Variants in CTDP1 observed in about 807,000 individuals in gnomAD.
The protein encoded by CTDP1 is RNA polymerase II subunit A C-terminal domain phosphatase.
In CTDP1, 47 loss-of-function variants were observed where a neutral mutation model predicts 91.8. That is an observed-to-expected ratio of 0.51 (90% confidence interval 0.41 to 0.65). CTDP1 has a LOEUF of 0.65. CTDP1 is among the 30% of genes least tolerant of loss of function. The pLI, the probability that CTDP1 is intolerant of heterozygous loss-of-function variation, is 0.00. For synonymous variants in CTDP1, 656 were observed against 598.5 expected (o/e 1.10, Z -1.40); for missense variants, 1,272 against 1,373.7 (o/e 0.93, Z 1.17).
intron 12 of CTDP1, among the ~76,000 whole-genome samples, chr18:79,751,913 C>T (rs1276751340): frequency 6.6e-6 from 1 of 152,340 alleles, no homozygotes; most frequent in South Asian, 2.1e-4. Context: ...AGTGACTTTT[C>T]GGGATTGTAA....
chr18:79,739,157 G>A (rs184364730), intron 12 of CTDP1, among the ~76,000 whole-genome samples: 43 of 152,338 alleles, frequency 2.8e-4, no homozygotes, highest in Admixed American at 1.0e-3. Flanking sequence ...GATTTGCAGC[G>A]TGCTCTTTGT....
chr18:79,713,238 A>G lies in CTDP1; in HGVS notation c.1030+100A>G, dbSNP rs1196385891. ...CTGTTTTGACTGCTATAAATTCAAG[A>G]TACACTTTTTTTATTTGTGTTTCAG... On this transcript the variant is annotated intron_variant, in intron 7 of 12. Coordinates refer to ENST00000613122, the MANE Select transcript of CTDP1 (RefSeq NM_004715.5). This position sits in a 1 kb window ranked among gnomAD's most constrained non-coding sequence, Gnocchi z 4.7. 4.1e-6 allele frequency: 5 copies of G among 1,219,104 alleles called. No homozygotes were observed. Among genetic ancestry groups the G allele is most frequent in the Non-Finnish European group, 5.9e-6 (5 of 851,918 alleles). 75.5% of individuals were successfully genotyped at this position (1,219,104 alleles called of 1,614,324 possible). A position where few individuals can be genotyped will look rare whatever the true frequency, so the allele number is the denominator to read the frequency against.
intron 1 of CTDP1, among the ~76,000 whole-genome samples, chr18:79,688,095 G>T (rs1009759566): frequency 6.6e-6 from 1 of 152,202 alleles, no homozygotes; most frequent in Admixed American, 6.5e-5. Context: ...CGCTGCCAGA[G>T]CCCCACCTGT....
At chr18:79,708,686 TA>T (rs1862733307) in intron 5 of CTDP1, among the ~76,000 whole-genome samples, 1 of 152,256 alleles carries the variant, frequency 6.6e-6, no homozygotes, top group Non-Finnish European at 1.5e-5. Context: ...AACTAACGGT[TA>T]TGCAGGGGAC....
chr18:79,747,083 T>C (rs2086897016), intron 12 of CTDP1, among the ~76,000 whole-genome samples: 1 of 152,226 alleles, frequency 6.6e-6, no homozygotes, highest in South Asian at 2.1e-4. Context: ...TTTTTAATGA[T>C]TGCCCAATTT....
At chr18:79,719,119 G>C (rs2086281354) in intron 10 of CTDP1, among the ~76,000 whole-genome samples, 1 of 152,242 alleles carries the variant, frequency 6.6e-6, no homozygotes, top group Non-Finnish European at 1.5e-5. Context: ...CCGCGGCAAA[G>C]CCCAGCCGGC....
In CTDP1 at chr18:79,718,018, T is replaced by C; in HGVS notation, c.2417+2T>C. ...CCGCCAGGAGCCCTCTTCCTTCAGG[T>C]ACGTGGCGGCCCAGCCACTGTCCCC... On this transcript the variant is annotated splice_donor_variant, in intron 10 of 12. Transcript: ENST00000613122. LOFTEE classifies it high-confidence loss of function. 5 of 1,612,902 alleles carry C rather than the reference T, an allele frequency of 3.1e-6. No homozygotes were observed. The highest frequency in any genetic ancestry group is 4.2e-6 in the Non-Finnish European group (5 of 1,179,824).
intron 1 of CTDP1, among the ~76,000 whole-genome samples, chr18:79,684,850 C>A (rs1416999698): frequency 6.6e-6 from 1 of 152,180 alleles, no homozygotes; most frequent in East Asian, 1.9e-4. Flanking sequence ...CCTCCTCACT[C>A]CATTGGAAAG....
At chr18:79,744,606 A>G (rs1249335296) in intron 12 of CTDP1, among the ~76,000 whole-genome samples, 2 of 152,250 alleles carry the variant, frequency 1.3e-5, no homozygotes, top group Non-Finnish European at 2.9e-5. Flanking sequence ...GAATGCTTCT[A>G]CAGGTAAAGA....
intron 5 of CTDP1, among the ~76,000 whole-genome samples, chr18:79,706,271 A>G (rs2085965194): frequency 1.3e-5 from 2 of 152,294 alleles, no homozygotes; most frequent in Admixed American, 1.3e-4. Context: ...CACCCACACT[A>G]TGGAGTTTCT....
intron 12 of CTDP1, among the ~76,000 whole-genome samples, chr18:79,739,559 G>A (rs578190372): frequency 1.3e-4 from 20 of 152,308 alleles, no homozygotes; most frequent in South Asian, 1.0e-3. Context: ...GCTCTGGCGC[G>A]GCTTCCATGC....
chr18:79,683,164 C>T (rs2085409957), intron 1 of CTDP1: 1 of 152,172 alleles, frequency 6.6e-6, no homozygotes, highest in Non-Finnish European at 1.5e-5. Flanking sequence ...TTGATTTTTA[C>T]TAAGCAAGTT....
chr18:79,679,938 T>C lies in CTDP1; in HGVS notation c.-10T>C. 2.9e-6 allele frequency: 4 copies of C among 1,379,542 alleles called. No homozygotes were observed. Among genetic ancestry groups the C allele is most frequent in the Non-Finnish European group, 3.8e-6 (4 of 1,061,830 alleles). The allele number at this position is 1,379,542 out of a possible 1,614,324, so 85.5% of individuals were successfully genotyped here. On this transcript the variant is annotated 5_prime_UTR_variant, in exon 1 of 13. Coordinates refer to ENST00000613122, the MANE Select transcript of CTDP1 (RefSeq NM_004715.5). Reference sequence around the variant, plus strand: ...CCCCGTACCGACCGCCCGCCCGCCCTCTGTCCGCGATGGAGGTGCCGGCCG... The same window carrying C: ...CCCCGTACCGACCGCCCGCCCGCCCCCTGTCCGCGATGGAGGTGCCGGCCG...
In CTDP1 at chr18:79,680,253, C is replaced by A; in HGVS notation, c.306C>A (p.Val102=). ...RELCAQPGQV[V]APGAVLVRLE... is the part of the protein sequence containing the mutation. The stretch of plus-strand genomic sequence containing the variant: ...TGTGCGCGCAGCCGGGCCAGGTGGT[C>A]GCCCCAGGGTGAGTGTGCTGAGCCG... Residue 102 remains valine, a synonymous_variant, in exon 1 of 13, where the codon GTC becomes GTA. Coordinates refer to ENST00000613122, the MANE Select transcript of CTDP1 (RefSeq NM_004715.5). The A allele has an allele frequency of 7.7e-7, 1 of 1,298,730 alleles. No homozygotes were observed. Among genetic ancestry groups the A allele is most frequent in the Non-Finnish European group, 9.7e-7 (1 of 1,027,972 alleles). 80.5% of individuals were successfully genotyped at this position (1,298,730 alleles called of 1,614,324 possible).
chr18:79,703,363 T>G (rs1240949155), intron 4 of CTDP1, among the ~76,000 whole-genome samples: 2 of 152,190 alleles, frequency 1.3e-5, no homozygotes, highest in Admixed American at 1.3e-4. Flanking sequence ...AATATTTTAC[T>G]GAGAAAATAA....
chr18:79,748,445 G>T (rs28610216), intron 12 of CTDP1, among the ~76,000 whole-genome samples: 1 of 152,192 alleles, frequency 6.6e-6, no homozygotes, highest in South Asian at 2.1e-4. Context: ...GGTGGAAGCC[G>T]TTGACCTGGT....
chr18:79,736,823 C>T (rs144448780), intron 12 of CTDP1, among the ~76,000 whole-genome samples: 66 of 149,806 alleles, frequency 4.4e-4, no homozygotes, highest in African/African-American at 1.4e-3. Flanking sequence ...GGGGTATGCA[C>T]GTGTGCGCAG....
chr18:79,726,775 G>GTTGGTGGA (rs2086451551), intron 10 of CTDP1, among the ~76,000 whole-genome samples: 1 of 146,700 alleles, frequency 6.8e-6, no homozygotes, highest in Admixed American at 6.8e-5. Context: ...TGACACCATT[G>GTTGGTGGA]CTGGTGGACG....
Position 79,696,001 on chromosome 18 carries a change from G to A in CTDP1, c.423G>A (p.Gln141=). 1 of 1,612,696 alleles carries A rather than the reference G, an allele frequency of 6.2e-7. No homozygotes were observed. The highest frequency in any genetic ancestry group is 8.5e-7 in the Non-Finnish European group (1 of 1,180,038). The change falls in exon 3 of 13, where the codon CAG becomes CAA. Residue 141 remains glutamine (Q), a synonymous_variant. Transcript: ENST00000613122. ...GGTTGCAGAGTAAGAACGGGAAGCAGCAGGTGCCGCTGTCCACGGCGACCG... is the reference window on the plus strand; with the variant it reads ...GGTTGCAGAGTAAGAACGGGAAGCAACAGGTGCCGCTGTCCACGGCGACCG... ...LTQLQSKNGK[Q]QVPLSTATVS...
Sources: allele counts gnomAD v4.1 joint callset (sites outside exome capture counted in the v4.1 genomes callset), GRCh38; gene constraint gnomAD v4.1.1; non-coding constraint Gnocchi (gnomAD v3.1); transcripts MANE v1.5; gene names NCBI Gene and HGNC (gene_info 2026-07-23, HGNC 2026-07-21).